Variants in MTUS2 observed in about 807,000 individuals in gnomAD.
MTUS2 encodes the protein microtubule-associated tumor suppressor candidate 2.
MTUS2 carries 40 observed loss-of-function variants against 114.1 expected under a neutral mutation model. That is an observed-to-expected ratio of 0.35 (90% CI 0.27 to 0.46). The LOEUF is 0.46. Ranked by LOEUF, MTUS2 falls within the 20% of genes least tolerant of loss-of-function variation. The probability of loss-of-function intolerance (pLI) is 1.00; values close to 1 mark genes in which losing one functional copy is unlikely to be tolerated. For missense variants in MTUS2, 1,679 were observed against 1,705.4 expected, an observed-to-expected ratio of 0.98 and a Z score of 0.27; for synonymous variants, 688 against 672.0, an observed-to-expected ratio of 1.02 and a Z score of -0.37.
At chr13:29,023,338 A>G (rs910511998) in intron 2 of MTUS2, among the ~76,000 whole-genome samples, 2 of 152,182 alleles carry the variant, frequency 1.3e-5, no homozygotes, top group Admixed American at 6.5e-5. Flanking sequence ...ATTTCCCCCA[A>G]GTTTTTATTT....
chr13:28,850,763 A>G (rs1876216265), intron 2 of MTUS2, among the ~76,000 whole-genome samples: 1 of 152,214 alleles, frequency 6.6e-6, no homozygotes, highest in African/African-American at 2.4e-5. Flanking sequence ...CAAAACTCAG[A>G]CAGATATATT....
At chr13:29,197,954 C>G (rs1254595731) in intron 5 of MTUS2, among the ~76,000 whole-genome samples, 1 of 152,112 alleles carries the variant, frequency 6.6e-6, no homozygotes, top group Non-Finnish European at 1.5e-5. Flanking sequence ...GATATTAGCC[C>G]TTTGTCAGAT....
chr13:29,491,980 GGT>G (rs1165772957), intron 11 of MTUS2, among the ~76,000 whole-genome samples: 14 of 141,670 alleles, frequency 9.9e-5, no homozygotes, highest in African/African-American at 2.1e-4. Flanking sequence ...GTGTGTGGTA[GGT>G]GTGTGTGGTG....
At chr13:29,092,558 G>C (rs969928278) in intron 4 of MTUS2, among the ~76,000 whole-genome samples, 1 of 152,144 alleles carries the variant, frequency 6.6e-6, no homozygotes, top group Non-Finnish European at 1.5e-5. Context: ...TGTGGGACAA[G>C]AACTTCGGAA....
intron 10 of MTUS2, chr13:29,487,644 G>A: frequency 1.9e-6 from 1 of 514,040 alleles, no homozygotes; most frequent in Non-Finnish European, 3.5e-6. Context: ...GCCACACTCA[G>A]GACTCTAAAG....
intron 8 of MTUS2, among the ~76,000 whole-genome samples, chr13:29,375,429 AAACCGCAATTACTTACTTTTAATGGCAAC>A (rs71090246): frequency 8.6e-4 from 9 of 10,498 alleles, no homozygotes; most frequent in Non-Finnish European, 2.0e-3. Context: ...TTAATGGCAA[AAACCGCAATTACTTACTTTTAATGGCAAC>A]AACCGCAATT....
At position 29,130,454 on chromosome 13, in the gene MTUS2, T is replaced by G. The variant is rs7337865; in HGVS notation, c.2644+29484T>G. Among the ~76,000 whole-genome samples the G allele has an allele frequency of 0.025, 3,733 of 152,154 alleles. 262 individuals carry two copies. In the East Asian group the frequency reaches 0.27, roughly 11 times the overall value. The stretch of plus-strand genomic sequence containing the variant: ...CCCAGATAATTCTTCCTTCTAGCCT[T>G]TGCCCAATCTCACCTTCCCAGTGAG... On this transcript the variant is annotated intron_variant, in intron 5 of 15. Coordinates refer to ENST00000612955, the MANE Select transcript of MTUS2 (RefSeq NM_001033602.4).
intron 2 of MTUS2, among the ~76,000 whole-genome samples, chr13:29,016,057 A>G (rs1300620870): frequency 1.3e-5 from 2 of 152,024 alleles, no homozygotes; most frequent in South Asian, 2.1e-4. Context: ...GGTTTGCGCC[A>G]CCACACCCAG....
At chr13:29,390,272 G>A (rs1305072616) in intron 8 of MTUS2, among the ~76,000 whole-genome samples, 2 of 151,830 alleles carry the variant, frequency 1.3e-5, no homozygotes, top group Non-Finnish European at 2.9e-5. Context: ...GATCAGGAGT[G>A]TATAAGAGGG....
chr13:29,205,593 T>C (rs1895151535), intron 5 of MTUS2, among the ~76,000 whole-genome samples: 1 of 152,196 alleles, frequency 6.6e-6, no homozygotes, highest in African/African-American at 2.4e-5. Flanking sequence ...CCAGAGTGCA[T>C]TGTATCATTC....
intron 5 of MTUS2, among the ~76,000 whole-genome samples, chr13:29,133,763 G>T (rs1457398753): frequency 6.6e-6 from 1 of 152,190 alleles, no homozygotes; most frequent in East Asian, 1.9e-4. Context: ...TTTGGAGTAA[G>T]TCTTGAAATT....
chr13:29,067,013 G>A (rs1381040250), intron 4 of MTUS2, among the ~76,000 whole-genome samples: 1 of 152,204 alleles, frequency 6.6e-6, no homozygotes, highest in Non-Finnish European at 1.5e-5. Flanking sequence ...TCCCTTAAAG[G>A]GGCCAGTTAC....
chr13:29,419,506 C>T (rs1370171063), intron 8 of MTUS2, among the ~76,000 whole-genome samples: 1 of 152,222 alleles, frequency 6.6e-6, no homozygotes, highest in African/African-American at 2.4e-5. Context: ...ACCTCTTCCA[C>T]TGGCAGAGAA....
In MTUS2 at chr13:29,145,527, A is replaced by T. The variant is rs181669266; in HGVS notation, c.2644+44557A>T. Among the ~76,000 whole-genome samples the T allele has an allele frequency of 5.5e-4, 84 of 152,278 alleles. 1 individual carries two copies. The East Asian group carries it at 0.014, about 26-fold the overall frequency. On this transcript the variant is annotated intron_variant, in intron 5 of 15. Coordinates refer to ENST00000612955, the MANE Select transcript of MTUS2 (RefSeq NM_001033602.4). ...AGAGCAAGACTCCATCTCAAAAAAA[A>T]ATTCATAAATATGACTATGTCAACA... is the stretch of plus-strand genomic sequence containing the variant.
At chr13:29,405,543 A>G (rs1430035145) in intron 8 of MTUS2, among the ~76,000 whole-genome samples, 8 of 152,172 alleles carry the variant, frequency 5.3e-5, no homozygotes, top group Non-Finnish European at 1.0e-4. Context: ...TAAATGACGT[A>G]AGAACCCTTT....
At position 29,046,126 on chromosome 13, in the gene MTUS2, T is replaced by TTC. The variant is rs1887605552; in HGVS notation, c.2446+12002_2446+12003insCT. On this transcript the variant is annotated intron_variant, in intron 4 of 15. Transcript: ENST00000612955. ...TTCTTGGTTAGTAAGTATTTTTTTT[T>TTC]TTTTTGAGCCAGGGTCTTGCTCTGT... 3.3e-5 allele frequency among the ~76,000 whole-genome samples: 5 copies of TTC among 151,416 alleles called. No individual in the cohort carries two copies. The South Asian group carries it at 1.1e-3, about 32-fold the overall frequency.
At chr13:29,329,326 C>T (rs1900666307) in intron 7 of MTUS2, among the ~76,000 whole-genome samples, 1 of 151,572 alleles carries the variant, frequency 6.6e-6, no homozygotes, top group Non-Finnish European at 1.5e-5. Context: ...GTTCCCCTCC[C>T]TGTGCTCCCT....
At chr13:29,147,604 A>G (rs1593527992) in intron 5 of MTUS2, among the ~76,000 whole-genome samples, 1 of 151,994 alleles carries the variant, frequency 6.6e-6, no homozygotes, top group Admixed American at 6.6e-5. Context: ...TCCCCGCTGT[A>G]CTAGTCCCTA....
chr13:29,384,334 C>T (rs1323672251), intron 8 of MTUS2, among the ~76,000 whole-genome samples: 2 of 152,102 alleles, frequency 1.3e-5, no homozygotes, highest in Non-Finnish European at 2.9e-5. Context: ...TATTTATGAC[C>T]CTTACTCAAT....
Sources: gnomAD v4.1 joint callset for allele counts (sites outside exome capture counted in the v4.1 genomes callset) on GRCh38, gnomAD v4.1.1 for gene constraint, MANE v1.5 for transcripts, NCBI Gene and HGNC (gene_info 2026-07-23, HGNC 2026-07-21) for gene names.